CADPS2: variants seen among roughly 807,000 people sequenced by gnomAD.
The protein encoded by CADPS2 is calcium-dependent secretion activator 2.
CADPS2 carries 93 observed loss-of-function variants against 172.5 expected under a neutral mutation model. The observed-to-expected ratio is 0.54, with a 90% CI of 0.46 to 0.64. CADPS2 has a LOEUF of 0.64. CADPS2 is among the 30% of genes least tolerant of loss of function. CADPS2 has a pLI of 0.00. For missense variants in CADPS2, 1,420 were observed against 1,565.9 expected, an observed-to-expected ratio of 0.91 and a Z score of 1.57; for synonymous variants, 546 against 555.2, an observed-to-expected ratio of 0.98 and a Z score of 0.23.
intron 23 of CADPS2, among the ~76,000 whole-genome samples, 191 bp from the exon 24 acceptor site, chr7:122,387,364 T>C (rs1343780796): frequency 6.6e-6 from 1 of 152,058 alleles, no homozygotes; most frequent in Non-Finnish European, 1.5e-5. Context: ...GATCAGATTG[T>C]CATATTTTTA....
intron 3 of CADPS2, among the ~76,000 whole-genome samples, chr7:122,638,474 A>C (rs1386842147): frequency 6.6e-6 from 1 of 152,108 alleles, no homozygotes; most frequent in Non-Finnish European, 1.5e-5. Context: ...GGGGTTTAGC[A>C]GGTTTTCTGT....
chr7:122,833,458 C>G (rs962260959), intron 1 of CADPS2, among the ~76,000 whole-genome samples: 1 of 152,136 alleles, frequency 6.6e-6, no homozygotes, highest in African/African-American at 2.4e-5. Flanking sequence ...TCGAGCAATT[C>G]TCTTGCCTCA....
At chr7:122,651,464 A>G (rs917330464) in intron 3 of CADPS2, among the ~76,000 whole-genome samples, 5 of 152,200 alleles carry the variant, frequency 3.3e-5, no homozygotes, top group Admixed American at 1.3e-4. Context: ...AAACTCTTAG[A>G]CTCAAAGCAC....
intron 1 of CADPS2, among the ~76,000 whole-genome samples, chr7:122,784,485 A>T (rs1191499326): frequency 1.3e-5 from 2 of 152,200 alleles, no homozygotes; most frequent in Non-Finnish European, 2.9e-5. Context: ...TGTTTGATTC[A>T]CATCTACTCT....
At chr7:122,451,315 G>C in intron 15 of CADPS2, 59 bp downstream of exon 15, 1 of 852,022 alleles carries the variant, frequency 1.2e-6, no homozygotes, top group African/African-American at 1.8e-5. Context: ...ATTTTTGGGG[G>C]AAGTAAGGGT....
At chr7:122,762,283 T>A (rs572867895) in intron 1 of CADPS2, among the ~76,000 whole-genome samples, 7 of 151,920 alleles carry the variant, frequency 4.6e-5, no homozygotes, top group African/African-American at 1.7e-4. Context: ...AACAGCAGAT[T>A]CAGTGGAATT....
chr7:122,469,063 C>G (rs1159923474), intron 14 of CADPS2, among the ~76,000 whole-genome samples: 1 of 152,072 alleles, frequency 6.6e-6, no homozygotes, highest in East Asian at 1.9e-4. Context: ...TATAAACATA[C>G]CTTGAATTAC....
rs138328993 is a variant in CADPS2, at chr7:122,360,788, T to A, written c.3504A>T (p.Pro1168=). 6.4e-6 allele frequency: 10 copies of A among 1,554,406 alleles called. No individual in the cohort carries two copies. The African/African-American group carries it at 1.4e-4, about 21-fold the overall frequency. ...VKAAAKYVDV[P]KPGMDLADTY... is the part of the protein sequence containing the mutation. ...TAAAAAGCAGATAAAAAATACTTAC[T>A]GGAACATCAACATATTTTGCAGCTG... Residue 1168 remains proline (P), a splice_region_variant and synonymous_variant, in exon 27 of 30, where the codon CCA becomes CCT. Transcript: ENST00000449022.
intron 11 of CADPS2, 57 bp downstream of exon 11, chr7:122,490,024 T>C: frequency 1.4e-6 from 2 of 1,475,742 alleles, no homozygotes; most frequent in Non-Finnish European, 1.9e-6. Flanking sequence ...TTGCCTCAAT[T>C]TTATATCTTA....
intron 27 of CADPS2, among the ~76,000 whole-genome samples, chr7:122,359,576 A>T (rs928917494): frequency 6.6e-6 from 1 of 152,154 alleles, no homozygotes; most frequent in African/African-American, 2.4e-5. Context: ...TATGTGTGTT[A>T]CAAAGTCCAA....
rs13311160 is a variant in CADPS2 at position 122,817,060 on chromosome 7, A to G, written c.339+68939T>C. ...CAAATCCTATAAAACGGCCCCACCCATATCTCCCTTCGCTAACTCTCTTTT... is the reference window on the plus strand; with the variant it reads ...CAAATCCTATAAAACGGCCCCACCCGTATCTCCCTTCGCTAACTCTCTTTT... On this transcript the variant is annotated intron_variant, in intron 1 of 29. Transcript: ENST00000449022. 3.9e-4 allele frequency among the ~76,000 whole-genome samples: 57 copies of G among 147,292 alleles called. No individual in the cohort carries two copies. In the South Asian group the frequency reaches 0.011, roughly 27 times the overall value.
chr7:122,394,597 T>A (rs2044812248), intron 20 of CADPS2, among the ~76,000 whole-genome samples: 1 of 151,236 alleles, frequency 6.6e-6, no homozygotes, highest in Admixed American at 6.6e-5. Flanking sequence ...AAAGGGGAGG[T>A]TTCCAGGTAG....
rs1403058045 is a variant in CADPS2 at position 122,541,730 on chromosome 7, TA to T, written c.1475+12819del. Reference sequence around the variant, plus strand: ...TCATATATTTACATATATTCATATATATTTATTCATATATTTACATATATTC... The same window carrying T: ...TCATATATTTACATATATTCATATATTTTATTCATATATTTACATATATTC... On this transcript the variant is annotated intron_variant, in intron 8 of 29. Transcript: ENST00000449022. Among the ~76,000 whole-genome samples the T allele has an allele frequency of 1.4e-3, 196 of 144,900 alleles. 1 individual carries two copies. The highest frequency in any genetic ancestry group is 4.8e-3 in the African/African-American group (190 of 39,428).
intron 2 of CADPS2, among the ~76,000 whole-genome samples, chr7:122,672,384 C>A (rs2081956842): frequency 1.3e-5 from 2 of 152,254 alleles, no homozygotes; most frequent in South Asian, 2.1e-4. Flanking sequence ...ACCAGCAGGG[C>A]ACCATGCTGG....
chr7:122,732,109 A>T (rs954173869), intron 2 of CADPS2, among the ~76,000 whole-genome samples: 1 of 151,418 alleles, frequency 6.6e-6, no homozygotes, highest in Admixed American at 6.6e-5. Flanking sequence ...ACACAAAGAC[A>T]CCCCCCACCC....
At chr7:122,391,309 T>C (rs2044338562) in intron 22 of CADPS2, among the ~76,000 whole-genome samples, 1 of 152,028 alleles carries the variant, frequency 6.6e-6, no homozygotes, top group African/African-American at 2.4e-5. Context: ...CAATTTGTCA[T>C]TATTCCTGTC....
At chr7:122,808,614 T>C (rs1454438754) in intron 1 of CADPS2, among the ~76,000 whole-genome samples, 1 of 152,212 alleles carries the variant, frequency 6.6e-6, no homozygotes, top group African/African-American at 2.4e-5. Context: ...AATTGAAGTT[T>C]TCCTTGTAAA....
intron 1 of CADPS2, among the ~76,000 whole-genome samples, chr7:122,879,786 A>G (rs1822374106): frequency 6.6e-6 from 1 of 152,192 alleles, no homozygotes. Flanking sequence ...AAAGTGGTAT[A>G]AAAGTTTCAA....
chr7:122,517,701 G>A (rs1366406602), intron 8 of CADPS2, among the ~76,000 whole-genome samples: 4 of 151,926 alleles, frequency 2.6e-5, no homozygotes. Context: ...CATCCTATAA[G>A]CTTTCATGCT....
Sources: allele counts gnomAD v4.1 joint callset (sites outside exome capture counted in the v4.1 genomes callset), GRCh38; gene constraint gnomAD v4.1.1; transcripts MANE v1.5; gene names NCBI Gene and HGNC (gene_info 2026-07-23, HGNC 2026-07-21).